CXXC4: variants seen among roughly 807,000 people sequenced by gnomAD.
CXXC4 encodes the protein CXXC-type zinc finger protein 4.
Under a neutral mutation model 20.5 loss-of-function variants are expected in CXXC4, and 5 were observed. That is an observed-to-expected ratio of 0.24 (90% CI 0.13 to 0.51). CXXC4 has a LOEUF of 0.51. Among genes scored for constraint, CXXC4 ranks in the 20% least tolerant of loss-of-function variants. The probability of loss-of-function intolerance (pLI) is 0.97; values close to 1 mark genes in which losing one functional copy is unlikely to be tolerated. For missense variants in CXXC4, 419 were observed against 496.4 expected (o/e 0.84, Z 1.48); for synonymous variants, 250 against 216.4 (o/e 1.16, Z -1.36).
chr4:104,489,619 T>G (rs1424335910), intron 2 of CXXC4, among the ~76,000 whole-genome samples: 2 of 152,244 alleles, frequency 1.3e-5, no homozygotes, highest in Non-Finnish European at 2.9e-5. Flanking sequence ...TTATCTACCC[T>G]GTAAATTTTA....
Position 104,491,661 on chromosome 4 carries a change from A to T in CXXC4, c.142T>A (p.Ser48Thr). 1 of 1,539,814 alleles carries T rather than the reference A, an allele frequency of 6.5e-7. No individual in the cohort carries two copies. Among genetic ancestry groups the T allele is most frequent in the Non-Finnish European group, 8.8e-7 (1 of 1,141,878 alleles). The change falls in exon 2 of 3, where the codon TCC becomes ACC. Residue 48 changes from serine (S) to threonine (T), a missense_variant. Coordinates refer to ENST00000394767, the MANE Select transcript of CXXC4 (RefSeq NM_025212.4). ...GCGCCCCCGTTGGTCTTGTAGAAGG[A>T]GGTGGCAAAGGAGCGGTAGCGCTCC... ...EMERYRSFAT[S>T]FYKTNGGAFP...
At chr4:104,486,670 G>C (rs933274159) in intron 2 of CXXC4, among the ~76,000 whole-genome samples, 12 of 152,004 alleles carry the variant, frequency 7.9e-5, no homozygotes, top group Admixed American at 4.6e-4. Context: ...AAAAAAACTG[G>C]TGGATGTTTC....
rs916195107 is a variant in CXXC4 at position 104,491,771 on chromosome 4, G to C, written c.32C>G (p.Pro11Arg). ...GGGCAAGCCCGGGGCCTCCGGGCTCGGCCCGGGCTCCACGCAGACATTGGT... is the reference window on the plus strand; with the variant it reads ...GGGCAAGCCCGGGGCCTCCGGGCTCCGCCCGGGCTCCACGCAGACATTGGT... MNTNVCVEPG[P>R]SPEAPGLPKE... The change falls in exon 2 of 3, where the codon CCG becomes CGG. Residue 11 changes from proline to arginine, a missense_variant. Coordinates refer to ENST00000394767, the MANE Select transcript of CXXC4 (RefSeq NM_025212.4). The C allele has an allele frequency of 2.7e-5, 41 of 1,528,812 alleles. No individual in the cohort carries two copies. Among genetic ancestry groups the C allele is most frequent in the Non-Finnish European group, 2.6e-5 (30 of 1,136,700 alleles). 94.7% of individuals were successfully genotyped at this position (1,528,812 alleles called of 1,614,324 possible). A position where few individuals can be genotyped will look rare whatever the true frequency, so the allele number is the denominator to read the frequency against.
chr4:104,493,183 G>C (rs1277635984), intron 1 of CXXC4, among the ~76,000 whole-genome samples: 1 of 152,106 alleles, frequency 6.6e-6, no homozygotes, highest in Admixed American at 6.5e-5. Context: ...CCATTATTAT[G>C]CTTTAGGAAG....
chr4:104,483,783 TAAAC>T (rs763343626), intron 2 of CXXC4, among the ~76,000 whole-genome samples: 26 of 151,876 alleles, frequency 1.7e-4, no homozygotes, highest in Middle Eastern at 3.2e-3. Flanking sequence ...ACGTGAAACA[TAAAC>T]ACACACACAC....
intron 2 of CXXC4, among the ~76,000 whole-genome samples, chr4:104,486,480 T>C (rs1301259756): frequency 6.6e-6 from 1 of 152,080 alleles, no homozygotes; most frequent in Non-Finnish European, 1.5e-5. Context: ...ATTTATATGT[T>C]ACATTCTAAT....
At chr4:104,482,569 T>A (rs4425377) in intron 2 of CXXC4, among the ~76,000 whole-genome samples, 103,175 of 151,980 alleles carry the variant, frequency 0.68, 36,926 homozygotes, top group African/African-American at 0.91. Context: ...AATCTATTTT[T>A]AAAAAGCATT....
intron 2 of CXXC4, among the ~76,000 whole-genome samples, chr4:104,480,630 A>G (rs1391777165): frequency 6.6e-6 from 1 of 152,136 alleles, no homozygotes; most frequent in Non-Finnish European, 1.5e-5. Context: ...GAAAAAAAAA[A>G]ATGCTTAGTG....
intron 2 of CXXC4, among the ~76,000 whole-genome samples, chr4:104,481,428 G>A (rs531349836): frequency 4.6e-5 from 7 of 152,158 alleles, no homozygotes; most frequent in African/African-American, 1.7e-4. Flanking sequence ...AGCTGCTTGG[G>A]AGGCTGAGGG....
intron 2 of CXXC4, among the ~76,000 whole-genome samples, chr4:104,480,620 GA>G (rs34786106): frequency 0.21 from 30,420 of 146,078 alleles, 9,224 homozygotes; most frequent in African/African-American, 0.66. Context: ...ATGGTAAATG[GA>G]AAAAAAAAAA....
chr4:104,478,884 G>T (rs1423108516), intron 2 of CXXC4, among the ~76,000 whole-genome samples: 14 of 151,818 alleles, frequency 9.2e-5, no homozygotes, highest in Non-Finnish European at 2.1e-4. Context: ...TTTCAAGAAT[G>T]ATTGAAATTA....
At chr4:104,480,592 G>A (rs185265365) in intron 2 of CXXC4, among the ~76,000 whole-genome samples, 1 of 148,290 alleles carries the variant, frequency 6.7e-6, no homozygotes, top group Non-Finnish European at 1.5e-5. Flanking sequence ...TAGTTTTCCT[G>A]AAACTAGTTT....
At chr4:104,479,204 T>C (rs1578317066) in intron 2 of CXXC4, among the ~76,000 whole-genome samples, 1 of 152,050 alleles carries the variant, frequency 6.6e-6, no homozygotes, top group South Asian at 2.1e-4. Flanking sequence ...ACTTTATCCC[T>C]TTTTTATTGA....
At chr4:104,473,340 A>T (rs919472416) in intron 2 of CXXC4, among the ~76,000 whole-genome samples, 1 of 151,838 alleles carries the variant, frequency 6.6e-6, no homozygotes. Flanking sequence ...TGAATTGTAA[A>T]CATACTATAA....
intron 2 of CXXC4, among the ~76,000 whole-genome samples, chr4:104,489,965 C>CT (rs1560543670): frequency 6.6e-6 from 1 of 152,102 alleles, no homozygotes; most frequent in African/African-American, 2.4e-5. Context: ...AGGGGAAATA[C>CT]TTTTTTTGTA....
rs765515943 is a variant in CXXC4 at position 104,491,167 on chromosome 4, T to A, written c.636A>T (p.Glu212Asp). 1 of 1,613,908 alleles carries A rather than the reference T, an allele frequency of 6.2e-7. No individual in the cohort carries two copies. Among genetic ancestry groups the A allele is most frequent in the South Asian group, 1.1e-5 (1 of 91,084 alleles). Reference protein sequence around the residue: ...SPEHCRPLAGECMNKLKCGAA... With the variant: ...SPEHCRPLAGDCMNKLKCGAA... ...CGCCGCATTTGAGCTTGTTCATGCA[T>A]TCCCCCGCCAAAGGTCTGCAGTGTT... Residue 212 changes from glutamate (E) to aspartate (D), a missense_variant, in exon 2 of 3, where the codon GAA becomes GAT. Glu to Asp is a conservative substitution (Grantham distance 45). Around this residue, in one of 3 missense-constraint regions of CXXC4, gnomAD observed 388 missense variants for 416.0 expected, o/e 0.93. Coordinates refer to ENST00000394767, the MANE Select transcript of CXXC4 (RefSeq NM_025212.4).
chr4:104,489,591 GTA>G (rs1443672215), intron 2 of CXXC4, among the ~76,000 whole-genome samples: 3 of 152,148 alleles, frequency 2.0e-5, no homozygotes, highest in African/African-American at 7.2e-5. Context: ...ACAGTCTCAT[GTA>G]TATATGAACA....
intron 2 of CXXC4, among the ~76,000 whole-genome samples, chr4:104,488,118 T>G (rs1161843921): frequency 6.6e-6 from 1 of 152,224 alleles, no homozygotes; most frequent in East Asian, 1.9e-4. Context: ...GCACCCATAA[T>G]TCAAAGCCAA....
At chr4:104,473,293 C>T (rs1736323696) in intron 2 of CXXC4, among the ~76,000 whole-genome samples, 1 of 151,706 alleles carries the variant, frequency 6.6e-6, no homozygotes, top group South Asian at 2.1e-4. Context: ...AAATTGATTA[C>T]TAACCAATGA....
Sources: gnomAD v4.1 joint callset for allele counts (sites outside exome capture counted in the v4.1 genomes callset) on GRCh38, gnomAD v4.1.1 for gene constraint, gnomAD v4.1.1 regional missense constraint, MANE v1.5 for transcripts, NCBI Gene and HGNC (gene_info 2026-07-23, HGNC 2026-07-21) for gene names.